Variants in GLRA2 observed in about 807,000 individuals in gnomAD.
The protein encoded by GLRA2 is glycine receptor subunit alpha-2.
A neutral mutation model predicts 31.6 loss-of-function variants in GLRA2; 11 were observed. The ratio of observed to expected loss-of-function variants is 0.35; its 90% CI spans 0.22 to 0.58. The LOEUF is 0.58. GLRA2 is among the 20% of genes least tolerant of loss of function. The probability of loss-of-function intolerance (pLI) is 0.84; values close to 1 mark genes in which losing one functional copy is unlikely to be tolerated. For missense variants in GLRA2, 212 were observed against 351.8 expected (o/e 0.60, Z 3.18); for synonymous variants, 132 against 134.0 (o/e 0.99, Z 0.10).
At chrX:14,494,539 A>T in the GLRA2 span, among the ~76,000 whole-genome samples, 1 of 111,029 alleles carries the variant, frequency 9.0e-6, no homozygotes, top group East Asian at 2.8e-4. Flanking sequence ...GTCCTATCCT[A>T]TTTAAAGTGT....
chrX:14,605,791 G>C (rs1310273279), intron 5 of GLRA2, among the ~76,000 whole-genome samples: 2 of 111,581 alleles, frequency 1.8e-5, no homozygotes, highest in South Asian at 3.7e-4. Context: ...TACCTCTGCT[G>C]TCTTCCCCAT....
the GLRA2 span, among the ~76,000 whole-genome samples, chrX:14,493,744 T>C: frequency 2.0e-4 from 20 of 98,839 alleles, no homozygotes; most frequent in African/African-American, 6.4e-4. Flanking sequence ...TATACATATA[T>C]ACGTGTATAT....
chrX:14,469,780 G>A, the GLRA2 span, among the ~76,000 whole-genome samples: 5 of 106,347 alleles, frequency 4.7e-5, no homozygotes, highest in African/African-American at 1.7e-4. Flanking sequence ...CACCAGCATG[G>A]CACGTGTATA....
At chrX:14,474,556 C>G in the GLRA2 span, among the ~76,000 whole-genome samples, 1 of 111,245 alleles carries the variant, frequency 9.0e-6, no homozygotes, top group Non-Finnish European at 1.9e-5. Context: ...GGTGATTCTT[C>G]TGGGCTTGGT....
chrX:14,621,591 C>A (rs752389387), intron 7 of GLRA2, among the ~76,000 whole-genome samples: 13 of 110,603 alleles, frequency 1.2e-4, no homozygotes, highest in Admixed American at 2.9e-4. Context: ...TCAATTCCCA[C>A]CTATGAGTGA....
At chrX:14,509,837 C>T in the GLRA2 span, among the ~76,000 whole-genome samples, 2 of 111,804 alleles carry the variant, frequency 1.8e-5, no homozygotes, top group Admixed American at 1.9e-4. Context: ...AATGATTATA[C>T]CTGAGTTTAT....
At chrX:14,611,641 A>C (rs1043027353) in intron 7 of GLRA2, among the ~76,000 whole-genome samples, 5 of 112,469 alleles carry the variant, frequency 4.4e-5, no homozygotes, top group Non-Finnish European at 9.4e-5. Context: ...ATGAGAAAAA[A>C]GAAGGTACTG....
intron 2 of GLRA2, among the ~76,000 whole-genome samples, chrX:14,559,652 C>T (rs1236703395): frequency 1.8e-5 from 2 of 108,795 alleles, no homozygotes; most frequent in African/African-American, 6.7e-5. Context: ...CTCCTGTCCT[C>T]AGGTGATCCA....
chrX:14,520,841 T>C, the GLRA2 span, among the ~76,000 whole-genome samples: 1 of 112,941 alleles, frequency 8.9e-6, no homozygotes, highest in African/African-American at 3.2e-5. Flanking sequence ...TTGCTGGCCA[T>C]TGAAAACAGC....
chrX:14,509,292 C>G, the GLRA2 span, among the ~76,000 whole-genome samples: 5 of 112,811 alleles, frequency 4.4e-5, no homozygotes, highest in South Asian at 3.6e-4. Flanking sequence ...CCTGTTCCAA[C>G]AGCTTCATGT....
chrX:14,663,449 G>A (rs1569518454), intron 7 of GLRA2, among the ~76,000 whole-genome samples: 1 of 109,821 alleles, frequency 9.1e-6, no homozygotes, highest in Non-Finnish European at 1.9e-5. Context: ...AGAACCTAAT[G>A]TATGAAAGAA....
chrX:14,576,421 C>T (rs1164792002), intron 3 of GLRA2, among the ~76,000 whole-genome samples: 1 of 111,143 alleles, frequency 9.0e-6, no homozygotes, highest in Non-Finnish European at 1.9e-5. Context: ...GTTTCTGTCT[C>T]TCCCCTCTTG....
intron 2 of GLRA2, among the ~76,000 whole-genome samples, chrX:14,554,985 A>G (rs1332178862): frequency 8.9e-6 from 1 of 111,843 alleles, no homozygotes; most frequent in Non-Finnish European, 1.9e-5. Flanking sequence ...ATAGTTTTTT[A>G]CTGAAGCATA....
At chrX:14,627,703 C>T (rs1400925044) in intron 7 of GLRA2, among the ~76,000 whole-genome samples, 1 of 111,328 alleles carries the variant, frequency 9.0e-6, no homozygotes, top group Non-Finnish European at 1.9e-5. Context: ...ACAACTCTTT[C>T]GTATGGAAAG....
At chrX:14,493,148 C>T in the GLRA2 span, among the ~76,000 whole-genome samples, 1 of 110,724 alleles carries the variant, frequency 9.0e-6, no homozygotes, top group Non-Finnish European at 1.9e-5. Flanking sequence ...AACCATATCA[C>T]ATAGAAAAAT....
At chrX:14,561,162 C>T (rs777799319) in intron 2 of GLRA2, among the ~76,000 whole-genome samples, 12 of 111,991 alleles carry the variant, frequency 1.1e-4, no homozygotes, top group Non-Finnish European at 2.3e-4. Context: ...GAGCCCACTC[C>T]AGTGCATCTG....
chrX:14,647,685 A>C lies in GLRA2; in HGVS notation c.930+38480A>C, dbSNP rs188701384. The stretch of plus-strand genomic sequence containing the variant: ...GATATTTGTGGTTATGTAGATGAAG[A>C]AGCATTCACATTTATGTGGTCATTT... On this transcript the variant is annotated intron_variant, in intron 7 of 8. Coordinates refer to ENST00000218075, the MANE Select transcript of GLRA2 (RefSeq NM_002063.4). 1.1e-3 allele frequency among the ~76,000 whole-genome samples: 123 copies of C among 112,532 alleles called. 1 individual carries two copies. Among genetic ancestry groups the C allele is most frequent in the Non-Finnish European group, 2.0e-3 (105 of 53,289 alleles).
At chrX:14,543,832 CT>C (rs1214411088) in intron 2 of GLRA2, among the ~76,000 whole-genome samples, 1 of 111,067 alleles carries the variant, frequency 9.0e-6, no homozygotes. Context: ...ATTTTAAAAA[CT>C]TTTTTTTACA....
the GLRA2 span, among the ~76,000 whole-genome samples, chrX:14,464,870 A>G: frequency 8.9e-6 from 1 of 112,167 alleles, no homozygotes; most frequent in Admixed American, 9.5e-5. Flanking sequence ...GTCTATTTTT[A>G]TGACAGCACC....
Sources: gnomAD v4.1 joint callset for allele counts (sites outside exome capture counted in the v4.1 genomes callset) on GRCh38, gnomAD v4.1.1 for gene constraint, MANE v1.5 for transcripts, NCBI Gene and HGNC (gene_info 2026-07-23, HGNC 2026-07-21) for gene names.